The following NEURL1 variants were observed in gnomAD, a reference collection of about 807,000 sequenced individuals.
The protein encoded by NEURL1 is E3 ubiquitin-protein ligase NEURL1.
NEURL1 carries 26 observed loss-of-function variants against 41.2 expected under a neutral mutation model. The observed-to-expected ratio is 0.63, with a 90% confidence interval of 0.46 to 0.87. The LOEUF is 0.87. Among genes scored for constraint, NEURL1 ranks in the 40% least tolerant of loss-of-function variants. The pLI is 0.00. For missense variants in NEURL1, 761 were observed against 871.1 expected, an observed-to-expected ratio of 0.87 and a Z score of 1.59; for synonymous variants, 400 against 402.3, an observed-to-expected ratio of 0.99 and a Z score of 0.07.
intron 1 of NEURL1, among the ~76,000 whole-genome samples, chr10:103,506,385 A>G (rs1427776730): frequency 2.0e-5 from 3 of 152,098 alleles, no homozygotes. Context: ...CATTTCATGT[A>G]TTGGTGCCTG....
In NEURL1 at chr10:103,589,499, C is replaced by A. The variant is rs778358437; in HGVS notation, c.1340-15C>A. The A allele has an allele frequency of 6.3e-7, 1 of 1,582,640 alleles. No individual in the cohort carries two copies. Among genetic ancestry groups the A allele is most frequent in the South Asian group, 1.2e-5 (1 of 85,796 alleles). ...CAGGCAGCTAGTGTGTCCTTCCCTC[C>A]CTCCCCTTTCACAGGCTCCACTATC... is the stretch of plus-strand genomic sequence containing the variant. On this transcript the variant is annotated splice_polypyrimidine_tract_variant and intron_variant, in intron 4 of 5. Coordinates refer to ENST00000369780, the MANE Select transcript of NEURL1 (RefSeq NM_004210.5).
chr10:103,495,440 G>A (rs535605595), intron 1 of NEURL1, among the ~76,000 whole-genome samples: 13 of 152,308 alleles, frequency 8.5e-5, no homozygotes, highest in Admixed American at 2.0e-4. Flanking sequence ...ACAAGGCATC[G>A]AACTTTCTCA....
Position 103,584,967 on chromosome 10 carries a change from G to A in NEURL1, c.1081G>A (p.Asp361Asn). 2.0e-6 allele frequency: 3 copies of A among 1,518,252 alleles called. No individual in the cohort carries two copies. Among genetic ancestry groups the A allele is most frequent in the Admixed American group, 2.1e-5 (1 of 48,514 alleles). The allele number at this position is 1,518,252 out of a possible 1,614,324, so 94.0% of individuals were successfully genotyped here. A position where few individuals can be genotyped will look rare whatever the true frequency, so the allele number is the denominator to read the frequency against. ...GALSFGVTTC[D>N]PGTLRPADLP... ...GCTGTCGTTCGGCGTCACCACGTGC[G>A]ACCCCGGCACGCTGCGGCCGGCCGA... is the stretch of plus-strand genomic sequence containing the variant. Residue 361 changes from aspartate (D) to asparagine (N), a missense_variant, in exon 4 of 6, where the codon GAC becomes AAC. Physicochemically the swap from Asp to Asn is conservative, Grantham distance 23. Coordinates refer to ENST00000369780, the MANE Select transcript of NEURL1 (RefSeq NM_004210.5).
At chr10:103,543,171 G>T (rs1016325665) in intron 1 of NEURL1, among the ~76,000 whole-genome samples, 1 of 152,206 alleles carries the variant, frequency 6.6e-6, no homozygotes, top group Non-Finnish European at 1.5e-5. Context: ...CTGTAGTCCT[G>T]CAGTGGGGTG....
At chr10:103,522,629 G>A (rs76031800) in intron 1 of NEURL1, among the ~76,000 whole-genome samples, 9 of 149,424 alleles carry the variant, frequency 6.0e-5, no homozygotes, top group Middle Eastern at 3.5e-3. Flanking sequence ...AAAAGAAGTC[G>A]TCTTTGTCTC....
chr10:103,504,674 G>A (rs897978285), intron 1 of NEURL1, among the ~76,000 whole-genome samples: 5 of 152,296 alleles, frequency 3.3e-5, no homozygotes, highest in African/African-American at 1.2e-4. Flanking sequence ...ACACTTAAGC[G>A]GTGGGGGGGT....
intron 1 of NEURL1, among the ~76,000 whole-genome samples, chr10:103,569,535 C>T (rs1019278933): frequency 6.6e-6 from 1 of 152,202 alleles, no homozygotes; most frequent in Non-Finnish European, 1.5e-5. Flanking sequence ...AGGCAGGGCA[C>T]CTGTAGCCAG....
intron 1 of NEURL1, among the ~76,000 whole-genome samples, chr10:103,563,521 A>G (rs933658678): frequency 1.6e-4 from 25 of 152,084 alleles, no homozygotes; most frequent in African/African-American, 5.8e-4. Flanking sequence ...GGTATTCAGG[A>G]CCACAGATTC....
chr10:103,533,254 A>C (rs1299223591), intron 1 of NEURL1, among the ~76,000 whole-genome samples: 3 of 152,024 alleles, frequency 2.0e-5, no homozygotes, highest in Admixed American at 6.6e-5. Flanking sequence ...AAACTACTGT[A>C]ATACAAATAT....
intron 3 of NEURL1, among the ~76,000 whole-genome samples, chr10:103,574,565 G>A (rs1321585764): frequency 6.6e-6 from 1 of 152,248 alleles, no homozygotes; most frequent in Admixed American, 6.5e-5. Context: ...GGAGGCTGAG[G>A]TCAGTGGGGG....
intron 1 of NEURL1, among the ~76,000 whole-genome samples, chr10:103,495,504 T>TA (rs926628156): frequency 5.3e-5 from 8 of 152,212 alleles, no homozygotes; most frequent in Admixed American, 2.0e-4. Flanking sequence ...AGAGCAGAGC[T>TA]AATCACACTA....
intron 1 of NEURL1, among the ~76,000 whole-genome samples, chr10:103,554,985 C>T (rs958995492): frequency 1.3e-5 from 2 of 152,102 alleles, no homozygotes; most frequent in Non-Finnish European, 2.9e-5. Flanking sequence ...GATGTGTGTG[C>T]GTGTGCGCGC....
At chr10:103,585,752 G>C (rs1375436039) in intron 4 of NEURL1, among the ~76,000 whole-genome samples, 2 of 150,828 alleles carry the variant, frequency 1.3e-5, no homozygotes, top group East Asian at 2.0e-4. Context: ...GAGAATGGCT[G>C]AGCCCAGGAG....
At chr10:103,555,549 TG>T in intron 1 of NEURL1, 1 of 635,168 alleles carries the variant, frequency 1.6e-6, no homozygotes, top group Non-Finnish European at 2.1e-6. Context: ...TGGGGCTGTG[TG>T]GGGGCACCTT....
chr10:103,587,129 A>G (rs1172511740), intron 4 of NEURL1, among the ~76,000 whole-genome samples: 1 of 152,200 alleles, frequency 6.6e-6, no homozygotes, highest in East Asian at 1.9e-4. Context: ...CTTGGGTGAG[A>G]ATTCAAGATG....
intron 1 of NEURL1, among the ~76,000 whole-genome samples, chr10:103,521,507 T>A (rs995404847): frequency 1.3e-5 from 2 of 151,914 alleles, no homozygotes; most frequent in Admixed American, 6.6e-5. Flanking sequence ...CCCTGACGAG[T>A]AGCAGAACAG....
At chr10:103,533,325 TA>T (rs1431732413) in intron 1 of NEURL1, among the ~76,000 whole-genome samples, 1 of 152,110 alleles carries the variant, frequency 6.6e-6, no homozygotes, top group Non-Finnish European at 1.5e-5. Context: ...TGTTCTTATT[TA>T]TTTTTTTCTC....
intron 1 of NEURL1, among the ~76,000 whole-genome samples, chr10:103,534,492 G>A (rs970618740): frequency 6.6e-6 from 1 of 151,992 alleles, no homozygotes; most frequent in Non-Finnish European, 1.5e-5. Context: ...TAGGTGCAAT[G>A]GTATAGTCTC....
At chr10:103,581,238 C>G (rs1230835845) in intron 3 of NEURL1, among the ~76,000 whole-genome samples, 1 of 152,204 alleles carries the variant, frequency 6.6e-6, no homozygotes, top group African/African-American at 2.4e-5. Flanking sequence ...CAGCCAAGTG[C>G]TGGATCAGAC....
Sources: allele counts gnomAD v4.1 joint callset (sites outside exome capture counted in the v4.1 genomes callset), GRCh38; gene constraint gnomAD v4.1.1; transcripts MANE v1.5; gene names NCBI Gene and HGNC (gene_info 2026-07-23, HGNC 2026-07-21).